The following DOCK7 variants were observed in gnomAD, a reference collection of about 807,000 sequenced individuals.
DOCK7 encodes dedicator of cytokinesis protein 7.
DOCK7 carries 138 observed loss-of-function variants against 271.0 expected under a neutral mutation model. The ratio of observed to expected loss-of-function variants is 0.51; its 90% CI spans 0.44 to 0.59. The LOEUF is 0.59. Ranked by LOEUF, DOCK7 falls within the 20% of genes least tolerant of loss-of-function variation. DOCK7 has a pLI of 0.00. For synonymous variants in DOCK7, 823 were observed against 876.1 expected (o/e 0.94, Z 1.07); for missense variants, 2,066 against 2,592.4 (o/e 0.80, Z 4.41).
At chr1:62,515,009 C>T (rs1644618177) in intron 31 of DOCK7, among the ~76,000 whole-genome samples, 1 of 152,034 alleles carries the variant, frequency 6.6e-6, no homozygotes, top group Non-Finnish European at 1.5e-5. Flanking sequence ...GTCATGATCT[C>T]AACTACCTCA....
At position 62,636,545 on chromosome 1, in the gene DOCK7, T is replaced by C; in HGVS notation, c.877A>G (p.Lys293Glu). The C allele has an allele frequency of 6.2e-7, 1 of 1,600,610 alleles. No homozygotes were observed. The highest frequency in any genetic ancestry group is 8.5e-7 in the Non-Finnish European group (1 of 1,171,994). Residue 293 changes from lysine to glutamate, a missense_variant, in exon 8 of 50, where the codon AAG becomes GAG. Transcript: ENST00000635253. ...ASLALYDVKE[K>E]KKISENFYFD... ...AAATTATATAATCTTACCTTTTTCTTTTCCTTGACATCATATAAAGCCAAA... is the reference window on the plus strand; with the variant it reads ...AAATTATATAATCTTACCTTTTTCTCTTCCTTGACATCATATAAAGCCAAA...
Position 62,529,352 on chromosome 1 carries a change from C to G in DOCK7, c.3706G>C (p.Ala1236Pro), listed in dbSNP as rs1645106713. The G allele has an allele frequency of 6.2e-7, 1 of 1,613,514 alleles. No homozygotes were observed. The highest frequency in any genetic ancestry group is 1.7e-5 in the Admixed American group (1 of 59,880). ...GGTAGATACAACATGGCCACTCGAG[C>G]CTTTATCTGAGGGTCAGAGTACCGC... ...DPRYSDPQIK[A>P]RVAMLYLPLI... Residue 1236 changes from alanine (A) to proline (P), a missense_variant, in exon 30 of 50, where the codon GCT becomes CCT. Coordinates refer to ENST00000635253, the MANE Select transcript of DOCK7 (RefSeq NM_001367561.1).
At chr1:62,635,107 T>C in intron 8 of DOCK7, 185 bp from the exon 9 acceptor site, 1 of 400,042 alleles carries the variant, frequency 2.5e-6, no homozygotes, top group South Asian at 7.8e-5. Flanking sequence ...ATTTTCTTTT[T>C]AAAAACATTC....
At chr1:62,675,410 A>AATCG (rs1660440225) in intron 1 of DOCK7, among the ~76,000 whole-genome samples, 1 of 152,180 alleles carries the variant, frequency 6.6e-6, no homozygotes, top group Non-Finnish European at 1.5e-5. Context: ...TCAATCAATC[A>AATCG]ATCGATACAA....
intron 17 of DOCK7, 31 bp from the exon 18 acceptor site, chr1:62,577,394 T>C: frequency 6.7e-7 from 1 of 1,497,798 alleles, no homozygotes; most frequent in Non-Finnish European, 9.1e-7. Flanking sequence ...AATTTTATTT[T>C]AAATATGCTT....
intron 1 of DOCK7, among the ~76,000 whole-genome samples, chr1:62,682,849 G>GTCCACAAA (rs926476585): frequency 2.0e-5 from 3 of 152,204 alleles, no homozygotes; most frequent in African/African-American, 4.8e-5. Context: ...CACAAAAAGG[G>GTCCACAAA]AGTAGATTGA....
rs1051660588 is a variant in DOCK7, at chr1:62,556,361, C to T, written c.2432-372G>A. On this transcript the variant is annotated intron_variant, in intron 20 of 49. Transcript: ENST00000635253. ...GCAATTTTTCATTTTAAAGATTACT[C>T]CAAAAATCTAAATAGCATATAAGGG... Among the ~76,000 whole-genome samples, 13 of 151,082 alleles carry T rather than the reference C, an allele frequency of 8.6e-5. No individual in the cohort carries two copies. In the East Asian group the frequency reaches 1.6e-3, roughly 18 times the overall value.
At chr1:62,668,015 G>A (rs141319930) in intron 1 of DOCK7, among the ~76,000 whole-genome samples, 127 of 151,770 alleles carry the variant, frequency 8.4e-4, no homozygotes, top group African/African-American at 2.9e-3. Context: ...GCAAGACTCC[G>A]TCTCAAAAAA....
chr1:62,548,423 C>CT (rs34750610), intron 22 of DOCK7, among the ~76,000 whole-genome samples: 74,481 of 139,030 alleles, frequency 0.54, 20,475 homozygotes, highest in East Asian at 0.77. Context: ...TGTCTTAAGT[C>CT]TTTTTTTTTT....
At chr1:62,659,870 T>G (rs935828679) in intron 2 of DOCK7, among the ~76,000 whole-genome samples, 6 of 152,188 alleles carry the variant, frequency 3.9e-5, no homozygotes, top group Non-Finnish European at 7.4e-5. Context: ...TAAATGTGTA[T>G]GTACTAAATA....
intron 28 of DOCK7, 121 bp from the exon 29 acceptor site, chr1:62,535,753 T>C: frequency 1.1e-6 from 1 of 912,994 alleles, no homozygotes; most frequent in East Asian, 3.0e-5. Context: ...TTACTAACAC[T>C]GAAGACAAAG....
At chr1:62,631,890 TG>T (rs1654676848) in intron 10 of DOCK7, among the ~76,000 whole-genome samples, 1 of 152,090 alleles carries the variant, frequency 6.6e-6, no homozygotes. Flanking sequence ...AGCTCAGAGT[TG>T]TAACAAAAGA....
At chr1:62,617,275 T>G (rs1245191898) in intron 14 of DOCK7, among the ~76,000 whole-genome samples, 1 of 151,894 alleles carries the variant, frequency 6.6e-6, no homozygotes, top group East Asian at 1.9e-4. Flanking sequence ...CACTAACACA[T>G]AGAAAAGGAG....
intron 31 of DOCK7, among the ~76,000 whole-genome samples, chr1:62,515,809 T>C (rs1048641385): frequency 6.6e-6 from 1 of 152,220 alleles, no homozygotes; most frequent in Non-Finnish European, 1.5e-5. Flanking sequence ...GGGAGATGAA[T>C]GTGTTCTGCC....
At chr1:62,655,930 A>T (rs1052457125) in intron 2 of DOCK7, among the ~76,000 whole-genome samples, 2 of 152,176 alleles carry the variant, frequency 1.3e-5, no homozygotes, top group Non-Finnish European at 2.9e-5. Flanking sequence ...CTGAAAATAT[A>T]ATAGCCACAA....
intron 12 of DOCK7, among the ~76,000 whole-genome samples, chr1:62,621,655 T>C (rs575778773): frequency 3.1e-4 from 47 of 152,332 alleles, no homozygotes; most frequent in Admixed American, 1.4e-3. Flanking sequence ...TATAGTTTTT[T>C]ATTAATAACT....
intron 14 of DOCK7, among the ~76,000 whole-genome samples, chr1:62,587,299 T>TAAAAAAAAAAAAAA: frequency 7.2e-5 from 3 of 41,818 alleles, no homozygotes; most frequent in Non-Finnish European, 1.6e-4. Flanking sequence ...ACCAAATAGC[T>TAAAAAAAAAAAAAA]AAAAAAAAAA....
rs1304803654 is a variant in DOCK7 at position 62,542,781 on chromosome 1, A to C, written c.2950-78T>G. 4 of 1,360,966 alleles carry C rather than the reference A, an allele frequency of 2.9e-6. No individual in the cohort carries two copies. In the African/African-American group the frequency reaches 5.8e-5, roughly 20 times the overall value. 84.3% of individuals were successfully genotyped at this position (1,360,966 alleles called of 1,614,324 possible). On this transcript the variant is annotated intron_variant, in intron 24 of 49. Transcript: ENST00000635253. Reference sequence around the variant, plus strand: ...TAAACCAAATCATAATGCAAATACAAACGAAGATATAATGAGAATAAGCAA... The same window carrying C: ...TAAACCAAATCATAATGCAAATACACACGAAGATATAATGAGAATAAGCAA...
chr1:62,504,824 A>G lies in DOCK7; in HGVS notation c.4612-42T>C, dbSNP rs536394690. ...CAAACCACCACTGAATTTTTACAGTAAAAGTTTCTGAGATATGTTAATATA... is the reference window on the plus strand; with the variant it reads ...CAAACCACCACTGAATTTTTACAGTGAAAGTTTCTGAGATATGTTAATATA... On this transcript the variant is annotated intron_variant, in intron 36 of 49. Transcript: ENST00000635253. 2.5e-6 allele frequency: 4 copies of G among 1,598,570 alleles called. No individual in the cohort carries two copies. The Admixed American group carries it at 7.0e-5, about 28-fold the overall frequency.
Sources: gnomAD v4.1 joint callset for allele counts (sites outside exome capture counted in the v4.1 genomes callset) on GRCh38, gnomAD v4.1.1 for gene constraint, MANE v1.5 for transcripts, NCBI Gene and HGNC (gene_info 2026-07-23, HGNC 2026-07-21) for gene names.